EPM2A: variants seen among roughly 807,000 people sequenced by gnomAD.
The protein encoded by EPM2A is laforin.
In EPM2A, 21 loss-of-function variants were observed where a neutral mutation model predicts 26.5. The ratio of observed to expected loss-of-function variants is 0.79; its 90% CI spans 0.56 to 1.14. The LOEUF is 1.14. Ranked by LOEUF, EPM2A falls within the 50% of genes most tolerant of loss-of-function variation. EPM2A has a pLI of 0.00. For missense variants in EPM2A, 458 were observed against 440.8 expected, an observed-to-expected ratio of 1.04 and a Z score of -0.35; for synonymous variants, 217 against 177.6, an observed-to-expected ratio of 1.22 and a Z score of -1.76.
intron 4 of EPM2A, among the ~76,000 whole-genome samples, chr6:145,427,182 TG>T (rs1253697455): frequency 2.0e-5 from 3 of 152,218 alleles, no homozygotes; most frequent in African/African-American, 7.2e-5. Context: ...CCACACCCCT[TG>T]TTTGCTCTCC....
chr6:145,391,371 A>G (rs914050280), intron 4 of EPM2A, among the ~76,000 whole-genome samples: 4 of 152,144 alleles, frequency 2.6e-5, no homozygotes, highest in Admixed American at 2.6e-4. Context: ...GTGCCAGTTT[A>G]CAGAGGCTGT....
At chr6:145,624,397 TTAC>T (rs375420913), downstream of EPM2A, among the ~76,000 whole-genome samples, 15 of 152,314 alleles carry the variant, frequency 9.8e-5, no homozygotes, top group South Asian at 3.1e-3. Flanking sequence ...TTTCTTCCTC[TTAC>T]TACAATTTTT....
chr6:145,480,878 C>T (rs181202486), intron 4 of EPM2A, among the ~76,000 whole-genome samples: 554 of 152,144 alleles, frequency 3.6e-3, no homozygotes, highest in African/African-American at 0.013. Context: ...TTCATGGCAG[C>T]TTATTTCCTT....
intron 3 of EPM2A, among the ~76,000 whole-genome samples, chr6:145,634,198 C>G (rs1427995734): frequency 2.0e-5 from 3 of 152,134 alleles, no homozygotes; most frequent in Non-Finnish European, 4.4e-5. Context: ...CTGCTGACAG[C>G]TGCTTGATAC....
chr6:145,458,956 G>T (rs1779296070), intron 4 of EPM2A, among the ~76,000 whole-genome samples: 1 of 152,078 alleles, frequency 6.6e-6, no homozygotes, highest in Admixed American at 6.6e-5. Flanking sequence ...ATTCTTCATA[G>T]TCTTGGAAGC....
chr6:145,723,307 A>C (rs1776035793), intron 1 of EPM2A, among the ~76,000 whole-genome samples: 1 of 152,122 alleles, frequency 6.6e-6, no homozygotes, highest in Non-Finnish European at 1.5e-5. Context: ...GAGTGGGGAC[A>C]TGTCAATCTA....
chr6:145,394,253 G>A (rs1463462161), intron 4 of EPM2A, among the ~76,000 whole-genome samples: 1 of 151,996 alleles, frequency 6.6e-6, no homozygotes, highest in Non-Finnish European at 1.5e-5. Flanking sequence ...CATGAGGGAG[G>A]GACCATTCCA....
At chr6:145,428,484 GCT>G (rs1378753682) in intron 4 of EPM2A, among the ~76,000 whole-genome samples, 2 of 152,152 alleles carry the variant, frequency 1.3e-5, no homozygotes, top group Admixed American at 1.3e-4. Context: ...TCCAGATGGA[GCT>G]CTCTCTCATT....
rs1171540565 is a variant in EPM2A at position 145,509,836 on chromosome 6, G to A, written c.341-7261C>T. Among the ~76,000 whole-genome samples the A allele has an allele frequency of 2.0e-5, 3 of 152,098 alleles. No individual in the cohort carries two copies. In the East Asian group the frequency reaches 5.8e-4, roughly 29 times the overall value. On this transcript the variant is annotated intron_variant, in intron 2 of 3. Coordinates refer to the EPM2A transcript ENST00000450221. ...ATTCATTCTTCTGCTGTTTTTAAGAGATCTATCTCACATGTAATGAAACCC... is the reference window on the plus strand; with the variant it reads ...ATTCATTCTTCTGCTGTTTTTAAGAAATCTATCTCACATGTAATGAAACCC...
At chr6:145,717,226 C>A (rs1222791908) in intron 1 of EPM2A, among the ~76,000 whole-genome samples, 2 of 152,184 alleles carry the variant, frequency 1.3e-5, no homozygotes, top group East Asian at 3.9e-4. Context: ...CAATAAAATA[C>A]TGGCAAACCG....
At chr6:145,665,819 A>T (rs1184960326) in intron 2 of EPM2A, among the ~76,000 whole-genome samples, 1 of 137,122 alleles carries the variant, frequency 7.3e-6, no homozygotes, top group Non-Finnish European at 1.6e-5. Flanking sequence ...ATCCACCATG[A>T]TCAAGTGGGC....
intron 4 of EPM2A, among the ~76,000 whole-genome samples, chr6:145,386,520 T>C (rs1302970771): frequency 1.3e-5 from 2 of 152,166 alleles, no homozygotes; most frequent in African/African-American, 4.8e-5. Flanking sequence ...GATATTCCAT[T>C]GGGAGTTTGA....
chr6:145,665,525 G>A (rs973792749), intron 2 of EPM2A, among the ~76,000 whole-genome samples: 8 of 132,126 alleles, frequency 6.1e-5, no homozygotes, highest in African/African-American at 8.9e-5. Flanking sequence ...ATAATCAATA[G>A]TTTACCAACC....
At chr6:145,575,282 T>C (rs1335230024) in intron 2 of EPM2A, among the ~76,000 whole-genome samples, 3 of 152,310 alleles carry the variant, frequency 2.0e-5, no homozygotes, top group Admixed American at 6.5e-5. Flanking sequence ...GTTCCCAGTT[T>C]CATCAGGGTC....
chr6:145,454,202 A>G (rs1779232367), intron 4 of EPM2A, among the ~76,000 whole-genome samples: 1 of 152,254 alleles, frequency 6.6e-6, no homozygotes, highest in Admixed American at 6.5e-5. Context: ...GTCACACAGA[A>G]TAATCTTCCC....
chr6:145,561,972 C>T (rs76582868), intron 2 of EPM2A, among the ~76,000 whole-genome samples: 77 of 151,918 alleles, frequency 5.1e-4, no homozygotes, highest in African/African-American at 1.6e-3. Flanking sequence ...ACCTAGATGA[C>T]GGGTTGATAG....
chr6:145,651,318 T>C (rs1777863832), intron 2 of EPM2A, among the ~76,000 whole-genome samples: 1 of 152,232 alleles, frequency 6.6e-6, no homozygotes, highest in African/African-American at 2.4e-5. Context: ...GGTGATTAAG[T>C]AGACTACAAT....
intron 4 of EPM2A, among the ~76,000 whole-genome samples, chr6:145,461,005 C>G (rs1779323296): frequency 6.6e-6 from 1 of 152,098 alleles, no homozygotes. Context: ...AGTGGCCTTA[C>G]TAATTAGCAA....
At chr6:145,513,609 C>T (rs378937) in intron 2 of EPM2A, among the ~76,000 whole-genome samples, 56,953 of 152,024 alleles carry the variant, frequency 0.37, 11,223 homozygotes, top group South Asian at 0.53. Flanking sequence ...TCTCAAGTTT[C>T]GATGCCTGGG....
Sources: gnomAD v4.1 joint callset for allele counts (sites outside exome capture counted in the v4.1 genomes callset) on GRCh38, gnomAD v4.1.1 for gene constraint, MANE v1.5 for transcripts, NCBI Gene and HGNC (gene_info 2026-07-23, HGNC 2026-07-21) for gene names.